The following GALNT14 variants were observed in gnomAD, a reference collection of about 807,000 sequenced individuals.
GALNT14 encodes the protein polypeptide N-acetylgalactosaminyltransferase 14, also known as UDP-GalNAc:polypeptide N-acetylgalactosaminyltransferase 14.
GALNT14 carries 60 observed loss-of-function variants against 77.5 expected under a neutral mutation model. The ratio of observed to expected loss-of-function variants is 0.77; its 90% CI spans 0.63 to 0.96. The LOEUF (loss-of-function observed/expected upper bound fraction) is 0.96. Ranked by LOEUF, GALNT14 falls within the 40% of genes least tolerant of loss-of-function variation. GALNT14 has a pLI of 0.00. For missense variants in GALNT14, 710 were observed against 731.0 expected (o/e 0.97, Z 0.33); for synonymous variants, 280 against 281.7 (o/e 0.99, Z 0.06).
Position 30,982,214 on chromosome 2 carries a change from C to T in GALNT14, c.299+10624G>A, listed in dbSNP as rs140448965. ...TCCTGGTAGGCAAAAATGAAACAGACAGACAATAGCAAGTGATTGATAATG... is the reference window on the plus strand; with the variant it reads ...TCCTGGTAGGCAAAAATGAAACAGATAGACAATAGCAAGTGATTGATAATG... On this transcript the variant is annotated intron_variant, in intron 2 of 14. Coordinates refer to ENST00000349752, the MANE Select transcript of GALNT14 (RefSeq NM_024572.4). Among the ~76,000 whole-genome samples, 343 of 152,312 alleles carry T rather than the reference C, an allele frequency of 2.3e-3. 1 individual carries two copies. The highest frequency in any genetic ancestry group is 0.02 in the Middle Eastern group (6 of 294).
chr2:30,990,949 C>A (rs773172277), intron 2 of GALNT14, among the ~76,000 whole-genome samples: 2 of 152,218 alleles, frequency 1.3e-5, no homozygotes, highest in African/African-American at 4.8e-5. Flanking sequence ...ACGGAACACA[C>A]TGGGCTAGGT....
At chr2:30,966,797 TA>T (rs1458391111) in intron 2 of GALNT14, among the ~76,000 whole-genome samples, 4 of 152,190 alleles carry the variant, frequency 2.6e-5, no homozygotes, top group African/African-American at 9.7e-5. Flanking sequence ...AACACACACC[TA>T]AATGTGGCAT....
At chr2:31,094,124 T>C (rs1172426732) in intron 1 of GALNT14, among the ~76,000 whole-genome samples, 1 of 152,216 alleles carries the variant, frequency 6.6e-6, no homozygotes, top group East Asian at 1.9e-4. Flanking sequence ...CATTCCACCA[T>C]TGTGATTTGT....
At chr2:31,083,270 C>T (rs2148586998) in intron 1 of GALNT14, among the ~76,000 whole-genome samples, 2 of 152,238 alleles carry the variant, frequency 1.3e-5, no homozygotes, top group African/African-American at 4.8e-5. Flanking sequence ...GTGCCTTTAG[C>T]TGTGGGGATC....
At chr2:30,905,686 G>A (rs1303815015), downstream of GALNT14, among the ~76,000 whole-genome samples, 15 of 150,484 alleles carry the variant, frequency 1.0e-4, no homozygotes, top group Non-Finnish European at 1.5e-4. Context: ...GCAGGCCAAC[G>A]TTCAGATTCA....
chr2:31,019,172 G>C lies in GALNT14; in HGVS notation c.130-26165C>G, dbSNP rs180836390. 4.9e-3 allele frequency among the ~76,000 whole-genome samples: 748 copies of C among 152,228 alleles called. 4 individuals are homozygous for C. Among genetic ancestry groups the C allele is most frequent in the Middle Eastern group, 0.014 (4 of 294 alleles). ...ACCACCACTCATATGTCTCACTTCTGGGACAGAAGCCCCAGAGTAGGCAAC... is the reference window on the plus strand; with the variant it reads ...ACCACCACTCATATGTCTCACTTCTCGGACAGAAGCCCCAGAGTAGGCAAC... On this transcript the variant is annotated intron_variant, in intron 1 of 14. Transcript: ENST00000349752.
At position 30,964,392 on chromosome 2, in the gene GALNT14, G is replaced by A. The variant is rs760417100; in HGVS notation, c.398+1812C>T. 2.9e-4 allele frequency among the ~76,000 whole-genome samples: 44 copies of A among 152,232 alleles called. 1 individual carries two copies. The highest frequency in any genetic ancestry group is 4.4e-4 in the Non-Finnish European group (30 of 68,002). On this transcript the variant is annotated intron_variant, in intron 3 of 14. Coordinates refer to ENST00000349752, the MANE Select transcript of GALNT14 (RefSeq NM_024572.4). ...TCCTCTCAGCCTGGATGCCCCAGAC[G>A]CTCCTCCCCTCACCACAGGAGACCC...
intron 1 of GALNT14, among the ~76,000 whole-genome samples, chr2:31,062,121 G>A (rs1038366250): frequency 6.6e-6 from 1 of 152,172 alleles, no homozygotes; most frequent in African/African-American, 2.4e-5. Flanking sequence ...AGGTATACAT[G>A]TGCCATGGTG....
rs752359557 is a variant in GALNT14 at position 30,929,395 on chromosome 2, T to G, written c.1151A>C (p.Asn384Thr). ...CTCCTCAACCTGAAGGGACACTTAC[T>G]TCCCGAAGGGCCTCTCCAGGGCGAA... Reference protein sequence around the residue: ...RPFALERPFGNVESRLDLRKN... With the variant: ...RPFALERPFGTVESRLDLRKN... The change falls in exon 11 of 15, where the codon AAT becomes ACT. Residue 384 changes from asparagine to threonine, a missense_variant and splice_region_variant. Physicochemically the swap from Asn to Thr is moderately conservative, Grantham distance 65. Coordinates refer to ENST00000349752, the MANE Select transcript of GALNT14 (RefSeq NM_024572.4). The G allele has an allele frequency of 1.2e-6, 2 of 1,612,894 alleles. No individual in the cohort carries two copies. The highest frequency in any genetic ancestry group is 2.7e-5 in the African/African-American group (2 of 74,904).
chr2:31,055,512 G>A (rs1014589780), intron 1 of GALNT14, among the ~76,000 whole-genome samples: 2 of 152,148 alleles, frequency 1.3e-5, no homozygotes, highest in African/African-American at 4.8e-5. Context: ...GGCCAAAGGG[G>A]CTGTTATGCT....
intron 1 of GALNT14, among the ~76,000 whole-genome samples, chr2:31,051,238 CA>C (rs1673846995): frequency 6.6e-6 from 1 of 152,202 alleles, no homozygotes; most frequent in African/African-American, 2.4e-5. Context: ...GAATGTTATG[CA>C]TCCACCGGGC....
At chr2:30,911,515 G>T (rs1345182362) in intron 14 of GALNT14, among the ~76,000 whole-genome samples, 1 of 152,096 alleles carries the variant, frequency 6.6e-6, no homozygotes, top group African/African-American at 2.4e-5. Context: ...CATGCAGCAG[G>T]TTCTCACACT....
At chr2:31,015,299 A>AG (rs1491052440) in intron 1 of GALNT14, among the ~76,000 whole-genome samples, 82 of 26,400 alleles carry the variant, frequency 3.1e-3, no homozygotes, top group African/African-American at 0.014. Flanking sequence ...TCTCAAAGGA[A>AG]AAAAAAAAAA....
the GALNT14 span, among the ~76,000 whole-genome samples, chr2:30,900,552 A>C: frequency 1.3e-5 from 2 of 152,336 alleles, no homozygotes; most frequent in African/African-American, 4.8e-5. Context: ...GAGTGTCTAC[A>C]ATAAGATATG....
intron 1 of GALNT14, among the ~76,000 whole-genome samples, chr2:31,002,993 A>G (rs1670458338): frequency 6.6e-6 from 1 of 152,170 alleles, no homozygotes; most frequent in African/African-American, 2.4e-5. Context: ...CTGTCTTGGG[A>G]GTTATTTAAC....
At chr2:31,043,457 T>G (rs1013520592) in intron 1 of GALNT14, among the ~76,000 whole-genome samples, 2 of 152,212 alleles carry the variant, frequency 1.3e-5, no homozygotes, top group African/African-American at 4.8e-5. Flanking sequence ...AATCAGTTAA[T>G]GAATGAGTGA....
intron 1 of GALNT14, among the ~76,000 whole-genome samples, chr2:31,002,160 G>A (rs1376417503): frequency 6.6e-6 from 1 of 152,190 alleles, no homozygotes; most frequent in East Asian, 1.9e-4. Context: ...CAGGCGCAGT[G>A]ACTCACCCCT....
intron 3 of GALNT14, among the ~76,000 whole-genome samples, chr2:30,963,143 G>A (rs1264458958): frequency 1.3e-5 from 2 of 152,162 alleles, no homozygotes; most frequent in African/African-American, 4.8e-5. Context: ...GGCTCTCTCA[G>A]CTAAGTCGTC....
chr2:31,033,701 G>A (rs942560019), intron 1 of GALNT14, among the ~76,000 whole-genome samples: 3 of 151,998 alleles, frequency 2.0e-5, no homozygotes, highest in Admixed American at 6.5e-5. Flanking sequence ...TCCAGCGAGT[G>A]AGTCTTTGTC....
Sources: allele counts gnomAD v4.1 joint callset (sites outside exome capture counted in the v4.1 genomes callset), GRCh38; gene constraint gnomAD v4.1.1; transcripts MANE v1.5; gene names NCBI Gene and HGNC (gene_info 2026-07-23, HGNC 2026-07-21).